Variants in DLGAP1 observed in about 807,000 individuals in gnomAD.
DLGAP1 encodes DLG associated protein 1.
Under a neutral mutation model 90.8 loss-of-function variants are expected in DLGAP1, and 11 were observed. The ratio of observed to expected loss-of-function variants is 0.12; its 90% CI spans 0.08 to 0.20. The LOEUF (loss-of-function observed/expected upper bound fraction) is 0.20, where lower values mean the gene tolerates loss of function less well. Among genes scored for constraint, DLGAP1 ranks in the 10% least tolerant of loss-of-function variants. The probability of loss-of-function intolerance (pLI) is 1.00; values close to 1 mark genes in which losing one functional copy is unlikely to be tolerated. For missense variants in DLGAP1, 1,050 were observed against 1,333.8 expected, an observed-to-expected ratio of 0.79 and a Z score of 3.31; for synonymous variants, 558 against 540.7, an observed-to-expected ratio of 1.03 and a Z score of -0.44.
chr18:4,453,104 T>C (rs1181593741), intron 1 of DLGAP1, among the ~76,000 whole-genome samples: 1 of 152,128 alleles, frequency 6.6e-6, no homozygotes, highest in Non-Finnish European at 1.5e-5. Flanking sequence ...TCACAGAATT[T>C]TATATCTGCG....
intron 2 of DLGAP1, among the ~76,000 whole-genome samples, chr18:4,085,955 C>A (rs900462844): frequency 2.6e-5 from 4 of 152,156 alleles, no homozygotes; most frequent in Admixed American, 2.6e-4. Flanking sequence ...TTGCTCTCAA[C>A]TTGGTTTGAC....
chr18:3,873,325 G>C (rs537585399), intron 4 of DLGAP1, among the ~76,000 whole-genome samples: 9 of 152,250 alleles, frequency 5.9e-5, no homozygotes, highest in African/African-American at 2.2e-4. Context: ...TCTCTACCAA[G>C]ATCAGTGAAA....
At chr18:3,822,611 T>C (rs73940229) in intron 4 of DLGAP1, among the ~76,000 whole-genome samples, 2,212 of 152,290 alleles carry the variant, frequency 0.015, 59 homozygotes, top group African/African-American at 0.05. Context: ...CTTGTTCCCA[T>C]AAATCCCCTT....
chr18:4,311,376 G>A (rs1011492453), intron 1 of DLGAP1, among the ~76,000 whole-genome samples: 4 of 152,234 alleles, frequency 2.6e-5, no homozygotes, highest in East Asian at 3.9e-4. Flanking sequence ...CACTCATGTC[G>A]GCTTTATTTA....
intron 1 of DLGAP1, among the ~76,000 whole-genome samples, chr18:4,424,834 C>A (rs938343915): frequency 2.6e-5 from 4 of 151,952 alleles, no homozygotes; most frequent in Admixed American, 2.6e-4. Flanking sequence ...TAAATTTGCA[C>A]CTTATTCTTC....
At chr18:4,258,438 G>C (rs542229723) in intron 1 of DLGAP1, among the ~76,000 whole-genome samples, 2 of 151,926 alleles carry the variant, frequency 1.3e-5, no homozygotes, top group African/African-American at 4.8e-5. Context: ...TGTTTTGATC[G>C]GGAGTCACGT....
At chr18:3,682,287 T>C (rs2060549190) in intron 7 of DLGAP1, among the ~76,000 whole-genome samples, 2 of 152,174 alleles carry the variant, frequency 1.3e-5, no homozygotes, top group Non-Finnish European at 2.9e-5. Context: ...GTAAGTTTCC[T>C]GAGGCCTCCC....
chr18:4,215,802 T>C (rs942371112), intron 1 of DLGAP1, among the ~76,000 whole-genome samples: 4 of 152,122 alleles, frequency 2.6e-5, no homozygotes, highest in African/African-American at 9.7e-5. Flanking sequence ...ATCACATCTC[T>C]GGCAGTGCAT....
intron 1 of DLGAP1, among the ~76,000 whole-genome samples, chr18:4,400,469 A>G (rs1408242810): frequency 6.6e-6 from 1 of 152,270 alleles, no homozygotes; most frequent in Admixed American, 6.5e-5. Context: ...ACTGGGGCCA[A>G]TCCAGAGAAG....
At chr18:3,513,206 C>T (rs2050644326) in intron 10 of DLGAP1, among the ~76,000 whole-genome samples, 1 of 152,220 alleles carries the variant, frequency 6.6e-6, no homozygotes, top group African/African-American at 2.4e-5. Flanking sequence ...GCAGAATTTC[C>T]TTCTTTTTCA....
chr18:3,647,830 G>C (rs1186165895), intron 7 of DLGAP1, among the ~76,000 whole-genome samples: 2 of 152,186 alleles, frequency 1.3e-5, no homozygotes, highest in East Asian at 3.8e-4. Flanking sequence ...TGAGGAAAGT[G>C]TGGTACAGAC....
intron 8 of DLGAP1, among the ~76,000 whole-genome samples, chr18:3,568,129 T>C (rs2054541441): frequency 6.6e-6 from 1 of 152,112 alleles, no homozygotes; most frequent in South Asian, 2.1e-4. Flanking sequence ...AAACTCCTGA[T>C]CTCAAGTGTT....
chr18:3,519,856 G>T (rs1225103624), intron 10 of DLGAP1, among the ~76,000 whole-genome samples: 1 of 152,112 alleles, frequency 6.6e-6, no homozygotes, highest in African/African-American at 2.4e-5. Context: ...TCCGCAACTA[G>T]AGTAATGAGA....
intron 3 of DLGAP1, among the ~76,000 whole-genome samples, chr18:3,903,421 A>T (rs939959714): frequency 6.6e-6 from 1 of 152,240 alleles, no homozygotes; most frequent in Non-Finnish European, 1.5e-5. Context: ...CCTCCATTTT[A>T]GAAGCAGGAA....
At chr18:3,627,553 A>G (rs1245890128) in intron 7 of DLGAP1, among the ~76,000 whole-genome samples, 1 of 152,204 alleles carries the variant, frequency 6.6e-6, no homozygotes, top group Non-Finnish European at 1.5e-5. Flanking sequence ...GCGTATCAGA[A>G]TTTTGAGGAG....
chr18:3,627,539 G>T (rs180942560), intron 7 of DLGAP1, among the ~76,000 whole-genome samples: 2 of 152,138 alleles, frequency 1.3e-5, no homozygotes, highest in Non-Finnish European at 2.9e-5. Flanking sequence ...TCTCTAATGG[G>T]TGGGCGTATC....
intron 3 of DLGAP1, among the ~76,000 whole-genome samples, chr18:3,976,429 T>C (rs2073581523): frequency 2.0e-5 from 3 of 151,948 alleles, no homozygotes; most frequent in South Asian, 4.2e-4. Flanking sequence ...TTAAGGAAAA[T>C]ATAGAGAATA....
chr18:4,131,069 C>CT (rs910440531), intron 2 of DLGAP1, among the ~76,000 whole-genome samples: 7 of 151,884 alleles, frequency 4.6e-5, no homozygotes, highest in African/African-American at 1.5e-4. Flanking sequence ...ATTACAGTGT[C>CT]TTTTTTTTCA....
chr18:3,644,486 C>G (rs996595327), intron 7 of DLGAP1, among the ~76,000 whole-genome samples: 1 of 152,080 alleles, frequency 6.6e-6, no homozygotes, highest in Non-Finnish European at 1.5e-5. Context: ...TCTTGGCTCA[C>G]TGCAACCTCC....
Sources: allele counts gnomAD v4.1 joint callset (sites outside exome capture counted in the v4.1 genomes callset), GRCh38; gene constraint gnomAD v4.1.1; transcripts MANE v1.5; gene names NCBI Gene and HGNC (gene_info 2026-07-23, HGNC 2026-07-21).